The following DOK7 variants were observed in gnomAD, a reference collection of about 807,000 sequenced individuals.
DOK7 encodes the protein docking protein 7.
In DOK7, 32 loss-of-function variants were observed where a neutral mutation model predicts 30.7. The ratio of observed to expected loss-of-function variants is 1.04; its 90% CI spans 0.79 to 1.40. DOK7 has a LOEUF of 1.40. Among genes scored for constraint, DOK7 ranks in the 40% most tolerant of loss-of-function variants. The pLI, the probability that DOK7 is intolerant of heterozygous loss-of-function variation, is 0.00. For missense variants in DOK7, 1,007 were observed against 699.2 expected, an observed-to-expected ratio of 1.44 and a Z score of -4.97; for synonymous variants, 447 against 324.1, an observed-to-expected ratio of 1.38 and a Z score of -4.07.
chr4:3,479,299 G>A (rs1401305927), intron 4 of DOK7, among the ~76,000 whole-genome samples: 2 of 152,214 alleles, frequency 1.3e-5, no homozygotes, highest in Non-Finnish European at 2.9e-5. Context: ...GATGACCCAG[G>A]GTGACCCCAT....
intron 2 of DOK7, among the ~76,000 whole-genome samples, chr4:3,467,327 G>T (rs928562630): frequency 6.9e-6 from 1 of 144,814 alleles, no homozygotes; most frequent in African/African-American, 2.5e-5. Flanking sequence ...CTGGCTGTAA[G>T]GCCTTCCGTG....
chr4:3,473,160 C>T (rs1317161755), intron 2 of DOK7, among the ~76,000 whole-genome samples: 3 of 152,250 alleles, frequency 2.0e-5, no homozygotes, highest in Non-Finnish European at 2.9e-5. Context: ...TGGGAGCCAG[C>T]GTCGGGGGCT....
At position 3,493,354 on chromosome 4, in the gene DOK7, G is replaced by A. The variant is rs754588575; in HGVS notation, c.1368G>A (p.Met456Ile). The A allele has an allele frequency of 3.1e-6, 5 of 1,598,648 alleles. No individual in the cohort carries two copies. Among genetic ancestry groups the A allele is most frequent in the Non-Finnish European group, 4.3e-6 (5 of 1,172,946 alleles). ...WLGTRRRGLV[M>I]EAPQGSEATL... is the part of the protein sequence containing the mutation. ...GCACGAGACGGCGGGGCCTGGTGATGGAGGCCCCCCAGGGCAGCGAGGCCA... is the reference window on the plus strand; with the variant it reads ...GCACGAGACGGCGGGGCCTGGTGATAGAGGCCCCCCAGGGCAGCGAGGCCA... The change falls in exon 7 of 7, where the codon ATG becomes ATA. Residue 456 changes from methionine (M) to isoleucine (I), a missense_variant. By Grantham distance (10) the Met-to-Ile change is conservative (BLOSUM62 1). Coordinates refer to ENST00000340083, the MANE Select transcript of DOK7 (RefSeq NM_173660.5).
chr4:3,490,230 C>A (rs1418919198), intron 6 of DOK7, among the ~76,000 whole-genome samples: 2 of 103,470 alleles, frequency 1.9e-5, no homozygotes, highest in African/African-American at 8.4e-5. Flanking sequence ...TTCACCCCCT[C>A]ATTCATTCCT....
chr4:3,490,112 A>ATTCATTCCTTTCTTCACCCC lies in DOK7; in HGVS notation c.772+327_772+328insCTTCACCCCTTCATTCCTTT, dbSNP rs72349432. ...CTCATTCATTCCTTTCTTCACCCCC[A>ATTCATTCCTTTCTTCACCCC]TTCATTCCTTTTCTCCCTGCTCATT... On this transcript the variant is annotated intron_variant, in intron 6 of 6. Transcript: ENST00000340083. Among the ~76,000 whole-genome samples the ATTCATTCCTTTCTTCACCCC allele has an allele frequency of 0.25, 10,744 of 42,222 alleles. 1,390 individuals carry two copies. Among genetic ancestry groups the ATTCATTCCTTTCTTCACCCC allele is most frequent in the African/African-American group, 0.35 (3,869 of 11,186 alleles). 27.7% of individuals were successfully genotyped at this position (42,222 alleles called of 152,430 possible).
rs1331497057 is a variant in DOK7 at position 3,492,844 on chromosome 4, G to A, written c.858G>A (p.Glu286=). ...GCAGCCGGCTCACCGCATGGCCAGA[G>A]CAATCCTCGTCGTCAGCCAGCACGT... is the stretch of plus-strand genomic sequence containing the variant. ...SASSRLTAWP[E]QSSSSASTSQ... The change falls in exon 7 of 7, where the codon GAG becomes GAA. Residue 286 remains glutamate, a synonymous_variant. Coordinates refer to ENST00000340083, the MANE Select transcript of DOK7 (RefSeq NM_173660.5). The A allele has an allele frequency of 5.6e-6, 9 of 1,611,864 alleles. 1 individual carries two copies. Among genetic ancestry groups the A allele is most frequent in the South Asian group, 4.4e-5 (4 of 90,962 alleles).
At chr4:3,496,924 G>C, downstream of DOK7, 2 of 1,030,524 alleles carry the variant, frequency 1.9e-6, no homozygotes, top group South Asian at 2.8e-5. Context: ...CTGGGTGGGC[G>C]CAGATGGCAG....
chr4:3,494,632 G>A, downstream of DOK7: 1 of 749,240 alleles, frequency 1.3e-6, no homozygotes, highest in Non-Finnish European at 1.6e-6. Flanking sequence ...TGTGAGCCTT[G>A]GGCCTGAATG....
rs3135163 is a variant in DOK7 at position 3,492,822 on chromosome 4, G to A, written c.836G>A (p.Ser279Asn). The A allele has an allele frequency of 6.2e-7, 1 of 1,612,640 alleles. No individual in the cohort carries two copies. The highest frequency in any genetic ancestry group is 1.1e-5 in the South Asian group (1 of 91,070). ...AGTCACTTGGACGTCAGCGCCAGCA[G>A]CCGGCTCACCGCATGGCCAGAGCAA... ...EASHLDVSAS[S>N]RLTAWPEQSS... The change falls in exon 7 of 7, where the codon AGC (serine) becomes AAC (asparagine). Residue 279 changes from serine (S) to asparagine (N), a missense_variant. By Grantham distance (46) the Ser-to-Asn change is conservative. Coordinates refer to ENST00000340083, the MANE Select transcript of DOK7 (RefSeq NM_173660.5).
intron 4 of DOK7, among the ~76,000 whole-genome samples, chr4:3,478,717 G>A (rs1027650376): frequency 2.0e-5 from 3 of 148,422 alleles, no homozygotes; most frequent in African/African-American, 7.5e-5. Context: ...CACCCCGTAG[G>A]GTAGGTGGGT....
rs34230391 is a variant in DOK7 at position 3,492,722 on chromosome 4, AC to A, written c.773-32del. The stretch of plus-strand genomic sequence containing the variant: ...AGCCACGTCCTGCCCAGACCCCTGT[AC>A]CCCCACAACTGCCTTGGCTTCCTGC... On this transcript the variant is annotated intron_variant, in intron 6 of 6. Transcript: ENST00000340083. 0.37 allele frequency: 592,425 copies of A among 1,609,542 alleles called. 111,220 individuals carry two copies. The highest frequency in any genetic ancestry group is 0.54 in the East Asian group (24,012 of 44,842).
downstream of DOK7, among the ~76,000 whole-genome samples, chr4:3,495,993 C>G (rs1224967884): frequency 5.3e-5 from 8 of 152,226 alleles, no homozygotes; most frequent in Non-Finnish European, 1.0e-4. Context: ...GCCCCCATTT[C>G]CGGCCTCCCA....
At chr4:3,500,237 CGCTCCCCCCA>C in intron 6 of DOK7, 1 of 1,534,292 alleles carries the variant, frequency 6.5e-7, no homozygotes, top group Non-Finnish European at 8.7e-7. Flanking sequence ...GCTTCACAGC[CGCTCCCCCCA>C]CAGGATCCCC....
chr4:3,472,284 C>T (rs1306661262), intron 2 of DOK7, among the ~76,000 whole-genome samples: 2 of 152,250 alleles, frequency 1.3e-5, no homozygotes, highest in Non-Finnish European at 2.9e-5. Context: ...CGTGGCTTTG[C>T]AGGGCCTGTG....
chr4:3,492,114 G>A (rs1161661163), intron 6 of DOK7, among the ~76,000 whole-genome samples: 7 of 152,228 alleles, frequency 4.6e-5, no homozygotes, highest in Admixed American at 6.5e-5. Flanking sequence ...AGACGCAGCA[G>A]AGATGAAAGT....
intron 6 of DOK7, among the ~76,000 whole-genome samples, chr4:3,491,229 G>A (rs1324546409): frequency 4.8e-5 from 4 of 83,750 alleles, no homozygotes; most frequent in African/African-American, 1.0e-4. Context: ...TCCTTCTCCC[G>A]CTGCTCTTTC....
Position 3,492,756 on chromosome 4 carries a change from CAG to C in DOK7, c.773-2_773-1del, listed in dbSNP as rs770163440. On this transcript the variant is annotated splice_acceptor_variant, in intron 6 of 6. Transcript: ENST00000340083. LOFTEE classifies it high-confidence loss of function. ...ACTGCCTTGGCTTCCTGCTCTGTCT[CAG>C]GGGATGACCGCAGCCTGTCCAGCTC... The C allele has an allele frequency of 3.1e-6, 5 of 1,612,276 alleles. No homozygotes were observed. In the African/African-American group the frequency reaches 4.0e-5, roughly 13 times the overall value.
At chr4:3,478,051 C>T (rs1473201498) in intron 4 of DOK7, among the ~76,000 whole-genome samples, 1 of 152,170 alleles carries the variant, frequency 6.6e-6, no homozygotes, top group Non-Finnish European at 1.5e-5. Context: ...CTGACACAGG[C>T]AGCCTGTCCT....
chr4:3,500,384 G>A (rs565558896), exon 7 of DOK7: 77 of 1,535,942 alleles, frequency 5.0e-5, no homozygotes, highest in Admixed American at 9.8e-5. Context: ...AGCTCCAGGA[G>A]GCCAGCGAGG....
Sources: gnomAD v4.1 joint callset for allele counts (sites outside exome capture counted in the v4.1 genomes callset) on GRCh38, gnomAD v4.1.1 for gene constraint, MANE v1.5 for transcripts, NCBI Gene and HGNC (gene_info 2026-07-23, HGNC 2026-07-21) for gene names.